Variants in SSBP3 observed in about 807,000 individuals in gnomAD.
The protein encoded by SSBP3 is single-stranded DNA-binding protein 3.
Under a neutral mutation model 69.6 loss-of-function variants are expected in SSBP3, and 5 were observed. That is an observed-to-expected ratio of 0.07 (90% CI 0.04 to 0.15). The LOEUF (loss-of-function observed/expected upper bound fraction) is 0.15. Ranked by LOEUF, SSBP3 falls within the 10% of genes least tolerant of loss-of-function variation. The probability of loss-of-function intolerance (pLI) is 1.00; values close to 1 mark genes in which losing one functional copy is unlikely to be tolerated. For missense variants in SSBP3, 312 were observed against 534.0 expected, an observed-to-expected ratio of 0.58 and a Z score of 4.10; for synonymous variants, 196 against 193.4, an observed-to-expected ratio of 1.01 and a Z score of -0.11.
chr1:54,244,996 C>T (rs1236497259), intron 9 of SSBP3, among the ~76,000 whole-genome samples: 1 of 152,064 alleles, frequency 6.6e-6, no homozygotes, highest in Admixed American at 6.6e-5. Context: ...GATCATATAC[C>T]CCCCACCCCA....
intron 10 of SSBP3, 142 bp downstream of exon 10, chr1:54,243,093 A>G: frequency 1.3e-6 from 1 of 790,810 alleles, no homozygotes; most frequent in South Asian, 1.6e-5. Context: ...CAGGATCATC[A>G]ATATCCTCAC....
At chr1:54,281,615 C>G (rs534686854) in intron 4 of SSBP3, 88 bp from the exon 5 acceptor site, 2 of 1,217,000 alleles carry the variant, frequency 1.6e-6, no homozygotes, top group East Asian at 2.5e-5. Context: ...TCTCCCTGTC[C>G]GTCCACATTC....
At chr1:54,411,861 C>A (rs1650002179) in intron 1 of SSBP3, among the ~76,000 whole-genome samples, 3 of 144,902 alleles carry the variant, frequency 2.1e-5, no homozygotes, top group Non-Finnish European at 3.0e-5. Context: ...CACTGCACTC[C>A]AGCCTGGGGG....
chr1:54,393,831 C>T (rs1381139389), intron 4 of SSBP3, among the ~76,000 whole-genome samples: 2 of 152,140 alleles, frequency 1.3e-5, no homozygotes, highest in Non-Finnish European at 2.9e-5. Context: ...GCAACCTTGG[C>T]TCACTGCAAC....
chr1:54,321,835 G>A (rs1256120588), intron 4 of SSBP3, among the ~76,000 whole-genome samples: 1 of 152,232 alleles, frequency 6.6e-6, no homozygotes, highest in Non-Finnish European at 1.5e-5. Flanking sequence ...TGTCCCCCAT[G>A]AGAAGGAGGT....
In SSBP3 at chr1:54,319,111, TG is replaced by T. The variant is rs139447609; in HGVS notation, c.277-37585del. Among the ~76,000 whole-genome samples, 173 of 152,276 alleles carry T rather than the reference TG, an allele frequency of 1.1e-3. 1 individual carries two copies. The East Asian group carries it at 0.031, about 27-fold the overall frequency. On this transcript the variant is annotated intron_variant, in intron 4 of 17. Coordinates refer to ENST00000610401, the Ensembl canonical transcript of SSBP3. The stretch of plus-strand genomic sequence containing the variant: ...CAAAGAACCAACCAGCCCTGAGCAC[TG>T]GGGACCTGCAGGTGCTTCTACATGT...
At chr1:54,402,063 T>C (rs1168452778) in intron 3 of SSBP3, 118 bp from the exon 4 acceptor site, 3 of 782,724 alleles carry the variant, frequency 3.8e-6, no homozygotes, top group Admixed American at 2.8e-5. Context: ...AATCCCACCT[T>C]ATCAGCTCTC....
chr1:54,304,519 G>C (rs1645862036), intron 4 of SSBP3, among the ~76,000 whole-genome samples: 1 of 152,224 alleles, frequency 6.6e-6, no homozygotes, highest in African/African-American at 2.4e-5. Context: ...AGGCTGAGTA[G>C]GGAGTTGCAG....
chr1:54,368,615 C>G (rs1049602465), intron 4 of SSBP3, among the ~76,000 whole-genome samples: 1 of 152,164 alleles, frequency 6.6e-6, no homozygotes, highest in African/African-American at 2.4e-5. Flanking sequence ...TTAAATCCAT[C>G]TACTCCACTT....
rs368080248 is a variant in SSBP3, at chr1:54,231,510, T to C, written c.928-2684A>G. Among the ~76,000 whole-genome samples the C allele has an allele frequency of 3.9e-5, 6 of 152,220 alleles. No individual in the cohort carries two copies. In the East Asian group the frequency reaches 9.6e-4, roughly 24 times the overall value. On this transcript the variant is annotated intron_variant, in intron 14 of 17. Coordinates refer to ENST00000610401, the Ensembl canonical transcript of SSBP3. Reference sequence around the variant, plus strand: ...TTGATGGTGTCCTTTGAAGCACAAATCTTAATCTCCGATGAAGTCCAGTTT... The same window carrying C: ...TTGATGGTGTCCTTTGAAGCACAAACCTTAATCTCCGATGAAGTCCAGTTT...
chr1:54,244,067 C>A (rs1486512458), intron 9 of SSBP3, among the ~76,000 whole-genome samples: 1 of 151,642 alleles, frequency 6.6e-6, no homozygotes, highest in Non-Finnish European at 1.5e-5. Flanking sequence ...GTAGTTGGGA[C>A]TACAGTCATG....
chr1:54,301,645 G>C (rs771959412), intron 4 of SSBP3, among the ~76,000 whole-genome samples: 3 of 152,224 alleles, frequency 2.0e-5, no homozygotes, highest in Non-Finnish European at 4.4e-5. Flanking sequence ...AAATGGGAAG[G>C]GGGATGAAAA....
upstream of SSBP3, among the ~76,000 whole-genome samples, chr1:54,406,593 G>A (rs1440285123): frequency 6.6e-6 from 1 of 151,832 alleles, no homozygotes; most frequent in Non-Finnish European, 1.5e-5. Flanking sequence ...TCCTGCAGGC[G>A]AACTGGGGGC....
intron 4 of SSBP3, among the ~76,000 whole-genome samples, chr1:54,316,201 C>G (rs1352252033): frequency 2.0e-5 from 3 of 151,572 alleles, no homozygotes; most frequent in Admixed American, 1.3e-4. Context: ...AAAAAATCAG[C>G]TGGGTGTGGT....
chr1:54,267,131 G>C lies in SSBP3; in HGVS notation c.367-8982C>G, dbSNP rs6696047. 2.2e-3 allele frequency among the ~76,000 whole-genome samples: 335 copies of C among 152,316 alleles called. 2 individuals are homozygous for C. The highest frequency in any genetic ancestry group is 6.8e-3 in the Middle Eastern group (2 of 294). ...GATCCTCTGGGGTCATCTCAGCCAG[G>C]AAAAGGCTCCACCTCGAATGGCTGT... On this transcript the variant is annotated intron_variant, in intron 5 of 17. Coordinates refer to ENST00000610401, the Ensembl canonical transcript of SSBP3.
chr1:54,385,965 G>A (rs1648049030), intron 4 of SSBP3, among the ~76,000 whole-genome samples: 1 of 152,028 alleles, frequency 6.6e-6, no homozygotes, highest in South Asian at 2.1e-4. Context: ...CTTTTTCAAA[G>A]AAAAATGACC....
At chr1:54,361,555 T>C (rs1335822982) in intron 4 of SSBP3, among the ~76,000 whole-genome samples, 1 of 152,038 alleles carries the variant, frequency 6.6e-6, no homozygotes, top group African/African-American at 2.4e-5. Flanking sequence ...CTGAACGGAA[T>C]TCACAGAGCC....
In SSBP3 at chr1:54,385,587, C is replaced by T. The variant is rs528393782; in HGVS notation, c.276+16274G>A. 2.6e-5 allele frequency among the ~76,000 whole-genome samples: 4 copies of T among 152,304 alleles called. No individual in the cohort carries two copies. The South Asian group carries it at 8.3e-4, about 32-fold the overall frequency. ...AAATTCAGAACATACCCCAGTCCACCATTCATAAATACTTCCTGCTTTTCA... is the reference window on the plus strand; with the variant it reads ...AAATTCAGAACATACCCCAGTCCACTATTCATAAATACTTCCTGCTTTTCA... On this transcript the variant is annotated intron_variant, in intron 4 of 17. Transcript: ENST00000610401.
intron 4 of SSBP3, among the ~76,000 whole-genome samples, chr1:54,337,485 CTTTTTTTTTTTTTTTTTTTT>C (rs869039822): frequency 2.0e-5 from 1 of 51,134 alleles, no homozygotes; most frequent in Admixed American, 3.2e-4. Context: ...TTTCCTCAAG[CTTTTTTTTTTTTTTTTTTTT>C]TTTTTTTTTT....
Sources: gnomAD v4.1 joint callset for allele counts (sites outside exome capture counted in the v4.1 genomes callset) on GRCh38, gnomAD v4.1.1 for gene constraint, MANE v1.5 for transcripts, NCBI Gene and HGNC (gene_info 2026-07-23, HGNC 2026-07-21) for gene names.